MICAL2: variants seen among roughly 807,000 people sequenced by gnomAD.
MICAL2 encodes the protein [F-actin]-monooxygenase MICAL2.
In MICAL2, 77 loss-of-function variants were observed where a neutral mutation model predicts 127.3. The observed-to-expected ratio is 0.60, with a 90% CI of 0.50 to 0.73. MICAL2 has a LOEUF of 0.73. Among genes scored for constraint, MICAL2 ranks in the 30% least tolerant of loss-of-function variants. MICAL2 has a pLI of 0.00. For missense variants in MICAL2, 1,351 were observed against 1,434.4 expected, an observed-to-expected ratio of 0.94 and a Z score of 0.94; for synonymous variants, 570 against 551.1, an observed-to-expected ratio of 1.03 and a Z score of -0.48.
intron 2 of MICAL2, among the ~76,000 whole-genome samples, chr11:12,157,868 A>G (rs59178004): frequency 6.6e-6 from 1 of 152,254 alleles, no homozygotes; most frequent in African/African-American, 2.4e-5. Flanking sequence ...TGAATTCTGT[A>G]TGTTTTCAGT....
At chr11:12,327,319 A>G (rs1590739114) in intron 32 of MICAL2, 2 of 1,444,842 alleles carry the variant, frequency 1.4e-6, no homozygotes, top group East Asian at 2.5e-5. Context: ...GAATAGTGCT[A>G]GCGTAACCAT....
chr11:12,137,540 G>A (rs1851946474), intron 1 of MICAL2, among the ~76,000 whole-genome samples: 1 of 152,178 alleles, frequency 6.6e-6, no homozygotes, highest in South Asian at 2.1e-4. Context: ...TCTGAACAGT[G>A]AGTCCCATCT....
chr11:12,201,241 A>C (rs1860685991), intron 3 of MICAL2, among the ~76,000 whole-genome samples: 2 of 151,746 alleles, frequency 1.3e-5, no homozygotes, highest in Admixed American at 6.6e-5. Context: ...ATTTCCCCTA[A>C]TTAGGTGTCT....
At position 12,224,505 on chromosome 11, in the gene MICAL2, C is replaced by T. The variant is rs1035705484; in HGVS notation, c.1541-168C>T. On this transcript the variant is annotated intron_variant, in intron 12 of 27. Transcript: ENST00000683283. ...CCACACTCCTGACCAGGCCCCCAAG[C>T]AGCAGTCCTCAGGGAGCTGCACCCG... 16 of 738,132 alleles carry T rather than the reference C, an allele frequency of 2.2e-5. No homozygotes were observed. In the African/African-American group the frequency reaches 2.6e-4, roughly 12 times the overall value. 45.7% of individuals were successfully genotyped at this position (738,132 alleles called of 1,614,324 possible).
chr11:12,132,427 T>G (rs537265330), intron 1 of MICAL2, among the ~76,000 whole-genome samples: 2 of 152,300 alleles, frequency 1.3e-5, no homozygotes, highest in South Asian at 4.1e-4. Flanking sequence ...AACCAAATCA[T>G]GCCCTCAGGG....
At chr11:12,181,257 A>G (rs1322839109) in intron 3 of MICAL2, among the ~76,000 whole-genome samples, 2 of 152,042 alleles carry the variant, frequency 1.3e-5, no homozygotes, top group African/African-American at 4.8e-5. Flanking sequence ...TCTTACATTT[A>G]TTTTCAAAAG....
chr11:12,352,644 G>T (rs1417062155), intron 33 of MICAL2, among the ~76,000 whole-genome samples: 1 of 152,186 alleles, frequency 6.6e-6, no homozygotes, highest in East Asian at 1.9e-4. Context: ...ATGTCTTATT[G>T]GTATCTTGAT....
downstream of MICAL2, among the ~76,000 whole-genome samples, chr11:12,268,266 G>A (rs569776245): frequency 9.2e-5 from 14 of 152,182 alleles, no homozygotes; most frequent in Non-Finnish European, 1.3e-4. Context: ...CTTCTGAGGG[G>A]CATCATTGTC....
intron 15 of MICAL2, among the ~76,000 whole-genome samples, chr11:12,234,078 G>A (rs1046559772): frequency 2.6e-5 from 4 of 152,098 alleles, no homozygotes; most frequent in African/African-American, 7.2e-5. Flanking sequence ...GGTTGTCCCC[G>A]TCCATGTCCT....
At chr11:12,180,649 A>T (rs997510399) in intron 3 of MICAL2, among the ~76,000 whole-genome samples, 3 of 152,110 alleles carry the variant, frequency 2.0e-5, no homozygotes, top group Non-Finnish European at 4.4e-5. Context: ...AAGGGCTGGG[A>T]TTATTATCCC....
chr11:12,327,297 G>C (rs948269968), intron 32 of MICAL2: 5 of 1,530,194 alleles, frequency 3.3e-6, no homozygotes, highest in Non-Finnish European at 4.4e-6. Flanking sequence ...CGGAGCAGTG[G>C]GCATGGTCTG....
chr11:12,167,326 G>A (rs192661784), intron 3 of MICAL2, among the ~76,000 whole-genome samples: 128 of 152,256 alleles, frequency 8.4e-4, no homozygotes, highest in Non-Finnish European at 1.5e-3. Context: ...TATGCAGCAG[G>A]GTCACCACAC....
At chr11:12,257,767 T>C (rs1233306262) in intron 24 of MICAL2, among the ~76,000 whole-genome samples, 1 of 152,208 alleles carries the variant, frequency 6.6e-6, no homozygotes, top group African/African-American at 2.4e-5. Context: ...GTCATTCCTA[T>C]GTAAGTGTCC....
At chr11:12,253,602 A>T (rs974386429) in intron 22 of MICAL2, 7 of 152,210 alleles carry the variant, frequency 4.6e-5, no homozygotes, top group African/African-American at 1.7e-4. Context: ...CAAAATCTAT[A>T]AATGGAAAGG....
chr11:12,244,202 C>G (rs1271064311), intron 21 of MICAL2, 90 bp downstream of exon 21: 3 of 1,523,356 alleles, frequency 2.0e-6, no homozygotes, highest in Non-Finnish European at 2.7e-6. Context: ...CATCTTGAGC[C>G]TGGCTTGGCT....
rs1436614993 is a variant in MICAL2 at position 12,220,234 on chromosome 11, G to A, written c.982G>A (p.Glu328Lys). ...YIDTEMLLCA[E>K]NVNQDNLLSY... is the part of the protein sequence containing the mutation. Reference sequence around the variant, plus strand: ...CGACACAGAGATGCTGCTGTGTGCGGAGAACGTGAACCAAGACAACCTGCT... The same window carrying A: ...CGACACAGAGATGCTGCTGTGTGCGAAGAACGTGAACCAAGACAACCTGCT... The change falls in exon 9 of 28, where the codon GAG becomes AAG. Residue 328 changes from glutamate (E) to lysine (K), a missense_variant. Glu to Lys is a moderately conservative substitution (Grantham distance 56, BLOSUM62 1). Coordinates refer to ENST00000683283, the MANE Select transcript of MICAL2 (RefSeq NM_001282663.2). 4 of 1,614,184 alleles carry A rather than the reference G, an allele frequency of 2.5e-6. No homozygotes were observed. The highest frequency in any genetic ancestry group is 1.1e-5 in the South Asian group (1 of 91,084).
In MICAL2 at chr11:12,208,036, A is replaced by C; in HGVS notation, c.486A>C (p.Leu162=). ...CCTGCCTGACAGGTATTCGCCAACT[A>C]CAGCTCATCCTATTCAAGGTGGCCC... ...GSIDHISIRQ[L]QLILFKVALM... The change falls in exon 5 of 28, where the codon CTA becomes CTC. Residue 162 remains leucine, a synonymous_variant. Transcript: ENST00000683283. The C allele has an allele frequency of 1.2e-6, 2 of 1,614,114 alleles. No homozygotes were observed. The highest frequency in any genetic ancestry group is 1.7e-6 in the Non-Finnish European group (2 of 1,179,936).
intron 29 of MICAL2, among the ~76,000 whole-genome samples, chr11:12,302,070 T>C (rs918256699): frequency 6.6e-6 from 1 of 152,210 alleles, no homozygotes; most frequent in Non-Finnish European, 1.5e-5. Flanking sequence ...TAAGGGAGGC[T>C]ATGGCCATCT....
downstream of MICAL2, among the ~76,000 whole-genome samples, chr11:12,267,167 C>T (rs1291441437): frequency 5.3e-5 from 8 of 152,314 alleles, no homozygotes; most frequent in Non-Finnish European, 1.0e-4. Flanking sequence ...CACCACCTGC[C>T]GGTGGACTTT....
Sources: allele counts gnomAD v4.1 joint callset (sites outside exome capture counted in the v4.1 genomes callset), GRCh38; gene constraint gnomAD v4.1.1; transcripts MANE v1.5; gene names NCBI Gene and HGNC (gene_info 2026-07-23, HGNC 2026-07-21).